The following ZNF675 variants were observed in gnomAD, a reference collection of about 807,000 sequenced individuals.
ZNF675 encodes the protein TRAF6 inhibitory zinc finger.
In ZNF675, 36 loss-of-function variants were observed where a neutral mutation model predicts 56.1. The ratio of observed to expected loss-of-function variants is 0.64; its 90% CI spans 0.49 to 0.85. ZNF675 has a LOEUF of 0.85. Among genes scored for constraint, ZNF675 ranks in the 40% least tolerant of loss-of-function variants. The probability of loss-of-function intolerance (pLI) is 0.00; values close to 1 mark genes in which losing one functional copy is unlikely to be tolerated. For missense variants in ZNF675, 663 were observed against 654.2 expected, an observed-to-expected ratio of 1.01 and a Z score of -0.15; for synonymous variants, 200 against 218.9, an observed-to-expected ratio of 0.91 and a Z score of 0.76.
chr19:23,667,934 C>A (rs1195881100), intron 1 of ZNF675, among the ~76,000 whole-genome samples: 1 of 148,876 alleles, frequency 6.7e-6, no homozygotes, highest in Non-Finnish European at 1.5e-5. Context: ...TATTTACAAT[C>A]CCTGAGCTAG....
At chr19:23,683,041 T>G (rs986281509) in intron 1 of ZNF675, among the ~76,000 whole-genome samples, 7 of 151,302 alleles carry the variant, frequency 4.6e-5, no homozygotes, top group African/African-American at 1.7e-4. Flanking sequence ...ATACAAAAAT[T>G]AGCCAGGCGT....
intron 1 of ZNF675, among the ~76,000 whole-genome samples, chr19:23,674,205 CAAATA>C (rs1038218877): frequency 2.0e-5 from 3 of 151,264 alleles, no homozygotes; most frequent in African/African-American, 2.4e-5. Flanking sequence ...CTCTATCTCA[CAAATA>C]AAATAAAATA....
At chr19:23,667,256 G>A (rs11882254) in intron 1 of ZNF675, among the ~76,000 whole-genome samples, 16,242 of 151,984 alleles carry the variant, frequency 0.11, 1,004 homozygotes, top group East Asian at 0.22. Context: ...AGATCTTCAT[G>A]GTGAGTGTTA....
intron 1 of ZNF675, among the ~76,000 whole-genome samples, chr19:23,675,387 AAAC>A (rs1968282560): frequency 6.6e-6 from 1 of 151,914 alleles, no homozygotes; most frequent in Admixed American, 6.5e-5. Context: ...CTCCATCTAA[AAAC>A]AACATAATAT....
intron 3 of ZNF675, 200 bp from the exon 4 acceptor site, chr19:23,654,906 G>T: frequency 2.3e-6 from 1 of 437,892 alleles, no homozygotes; most frequent in South Asian, 5.8e-5. Flanking sequence ...ACCCAACACA[G>T]CTTTTTCTAC....
At chr19:23,671,157 T>C (rs998379837) in intron 1 of ZNF675, among the ~76,000 whole-genome samples, 1 of 152,168 alleles carries the variant, frequency 6.6e-6, no homozygotes, top group African/African-American at 2.4e-5. Context: ...TCTAGTCCCT[T>C]CCTCTTCCTG....
intron 1 of ZNF675, among the ~76,000 whole-genome samples, chr19:23,683,784 C>T (rs577707369): frequency 8.8e-4 from 134 of 152,082 alleles, no homozygotes; most frequent in African/African-American, 3.0e-3. Context: ...AATTACCCAG[C>T]CATAAACACA....
chr19:23,660,932 CTTTTT>C (rs56888844), intron 3 of ZNF675, among the ~76,000 whole-genome samples: 2 of 119,786 alleles, frequency 1.7e-5, no homozygotes, highest in Non-Finnish European at 1.8e-5. Flanking sequence ...TTGTAATTTT[CTTTTT>C]TTTTTTTTTT....
Position 23,654,156 on chromosome 19 carries a change from T to C in ZNF675, c.777A>G (p.Glu259=). The C allele has an allele frequency of 6.2e-7, 1 of 1,614,066 alleles. No homozygotes were observed. The highest frequency in any genetic ancestry group is 1.1e-5 in the South Asian group (1 of 91,084). Residue 259 remains glutamate (E), a synonymous_variant, in exon 4 of 4, where the codon GAA becomes GAG. Coordinates refer to ENST00000359788, the MANE Select transcript of ZNF675 (RefSeq NM_138330.3). ...DYAREKPYKC[E]ECGKAFNQSS... is the part of the protein sequence containing the mutation. ...ACTGGTTAAAGGCTTTGCCACATTC[T>C]TCACATTTGTATGGTTTCTCTCGAG...
Position 23,687,072 on chromosome 19 carries a change from A to G in ZNF675, c.-39T>C. The G allele has an allele frequency of 6.2e-7, 1 of 1,612,802 alleles. No homozygotes were observed. Among genetic ancestry groups the G allele is most frequent in the Admixed American group, 1.7e-5 (1 of 59,922 alleles). On this transcript the variant is annotated 5_prime_UTR_variant, in exon 1 of 4. Coordinates refer to ENST00000359788, the MANE Select transcript of ZNF675 (RefSeq NM_138330.3). ...GGGGGTCCTGGAGTCTTAGCTGTGG[A>G]TCTCTCAATTTCTGCAGGTCACAGG...
chr19:23,658,811 A>ATC (rs1568289019), intron 3 of ZNF675: 15 of 151,894 alleles, frequency 9.9e-5, no homozygotes, highest in East Asian at 1.9e-4. Flanking sequence ...ATCTATAGAG[A>ATC]TATAGATCTA....
chr19:23,653,688 C>G lies in ZNF675; in HGVS notation c.1245G>C (p.Lys415Asn). The G allele has an allele frequency of 6.2e-7, 1 of 1,611,694 alleles. No homozygotes were observed. Among genetic ancestry groups the G allele is most frequent in the Non-Finnish European group, 8.5e-7 (1 of 1,179,478 alleles). ...AGGGTTTCTCTCCAGTGTGAATTCTCTTATGTGTAGTAAGGGCTGAGGAGT... is the reference window on the plus strand; with the variant it reads ...AGGGTTTCTCTCCAGTGTGAATTCTGTTATGTGTAGTAAGGGCTGAGGAGT... ...FKHSSALTTH[K>N]RIHTGEKPYK... Residue 415 changes from lysine to asparagine, a missense_variant, in exon 4 of 4, where the codon AAG becomes AAC. By Grantham distance (94) the Lys-to-Asn change is moderately conservative. Around this residue, in one of 3 missense-constraint regions of ZNF675, gnomAD observed 617 missense variants for 590.5 expected, o/e 1.04. Transcript: ENST00000359788.
chr19:23,656,903 T>G (rs532947305), intron 3 of ZNF675: 2 of 152,298 alleles, frequency 1.3e-5, no homozygotes, highest in African/African-American at 4.8e-5. Flanking sequence ...AGAAGTCTTT[T>G]GCATAACAAT....
chr19:23,676,981 A>G (rs142940574), intron 1 of ZNF675, among the ~76,000 whole-genome samples: 14,308 of 150,710 alleles, frequency 0.095, 881 homozygotes, highest in East Asian at 0.22. Context: ...GGCTGAGGCA[A>G]GAGAATGGCG....
At chr19:23,672,938 CATT>C (rs1435329112) in intron 1 of ZNF675, among the ~76,000 whole-genome samples, 3 of 152,156 alleles carry the variant, frequency 2.0e-5, no homozygotes, top group African/African-American at 4.8e-5. Flanking sequence ...ACAGGAATAA[CATT>C]AATTATTGAC....
intron 2 of ZNF675, 147 bp from the exon 3 acceptor site, chr19:23,662,356 T>A (rs1436566389): frequency 1.3e-5 from 7 of 523,632 alleles, no homozygotes; most frequent in Non-Finnish European, 2.3e-5. Flanking sequence ...TTTAAATACT[T>A]AGAAAATATT....
intron 1 of ZNF675, among the ~76,000 whole-genome samples, chr19:23,676,714 A>G (rs1968299297): frequency 6.6e-6 from 1 of 151,888 alleles, no homozygotes; most frequent in Non-Finnish European, 1.5e-5. Context: ...CAAAAGAGTT[A>G]TCTACGACAA....
chr19:23,663,475 T>A (rs1020111150), intron 1 of ZNF675, among the ~76,000 whole-genome samples: 1 of 152,144 alleles, frequency 6.6e-6, no homozygotes, highest in African/African-American at 2.4e-5. Flanking sequence ...GCAGATTACC[T>A]GAGGTCGGGA....
In ZNF675 at chr19:23,674,984, A is replaced by G. The variant is rs28740819; in HGVS notation, c.4-11826T>C. On this transcript the variant is annotated intron_variant, in intron 1 of 3. Coordinates refer to ENST00000359788, the MANE Select transcript of ZNF675 (RefSeq NM_138330.3). ...AAGACTCCATCTCAAAAAAAAAAAA[A>G]AGAGAGAGAGAGAGCCTTTTATTTC... Among the ~76,000 whole-genome samples the G allele has an allele frequency of 9.8e-3, 1,353 of 138,692 alleles. 25 individuals carry two copies. Among genetic ancestry groups the G allele is most frequent in the African/African-American group, 0.017 (614 of 36,568 alleles). The allele number at this position is 138,692 out of a possible 152,430, so 91.0% of individuals were successfully genotyped here. A position where few individuals can be genotyped will look rare whatever the true frequency, so the allele number is the denominator to read the frequency against.
Sources: allele counts gnomAD v4.1 joint callset (sites outside exome capture counted in the v4.1 genomes callset), GRCh38; gene constraint gnomAD v4.1.1; regional missense constraint gnomAD v4.1.1; transcripts MANE v1.5; gene names NCBI Gene and HGNC (gene_info 2026-07-23, HGNC 2026-07-21).